Variants in CFAP91 observed in about 807,000 individuals in gnomAD.
CFAP91 encodes cilia- and flagella-associated protein 91.
Under a neutral mutation model 95.9 loss-of-function variants are expected in CFAP91, and 85 were observed. The observed-to-expected ratio is 0.89, with a 90% CI of 0.74 to 1.06. The LOEUF (loss-of-function observed/expected upper bound fraction) is 1.06. Ranked by LOEUF, CFAP91 falls within the 50% of genes least tolerant of loss-of-function variation. The pLI, the probability that CFAP91 is intolerant of heterozygous loss-of-function variation, is 0.00. For missense variants in CFAP91, 962 were observed against 943.4 expected (o/e 1.02, Z -0.26); for synonymous variants, 335 against 327.5 (o/e 1.02, Z -0.25).
chr3:119,744,788 G>T (rs2054190980), intron 14 of CFAP91, among the ~76,000 whole-genome samples: 1 of 152,196 alleles, frequency 6.6e-6, no homozygotes, highest in Non-Finnish European at 1.5e-5. Flanking sequence ...AGAAATGAGG[G>T]TTTGGCCGAA....
At position 119,726,168 on chromosome 3, in the gene CFAP91, C is replaced by T. The variant is rs749259749; in HGVS notation, c.683-3C>T. On this transcript the variant is annotated splice_region_variant and splice_polypyrimidine_tract_variant and intron_variant, in intron 6 of 17. Coordinates refer to ENST00000273390, the MANE Select transcript of CFAP91 (RefSeq NM_033364.4). ...TCCTAAGCTGTGCTGCTTTATCCTGCAGGTCGGGGTCTCCCAGCAGGACAA... is the reference window on the plus strand; with the variant it reads ...TCCTAAGCTGTGCTGCTTTATCCTGTAGGTCGGGGTCTCCCAGCAGGACAA... 6 of 1,604,684 alleles carry T rather than the reference C, an allele frequency of 3.7e-6. No individual in the cohort carries two copies. The South Asian group carries it at 6.7e-5, about 18-fold the overall frequency.
chr3:119,703,785 C>G (rs1457177321), intron 1 of CFAP91, among the ~76,000 whole-genome samples: 2 of 152,150 alleles, frequency 1.3e-5, no homozygotes, highest in Non-Finnish European at 2.9e-5. Context: ...TATGTTTTCT[C>G]TCTCTCCACG....
At chr3:119,761,321 A>G (rs1174893645) in intron 17 of CFAP91, among the ~76,000 whole-genome samples, 1 of 151,888 alleles carries the variant, frequency 6.6e-6, no homozygotes, top group Non-Finnish European at 1.5e-5. Flanking sequence ...GAAAATAGAA[A>G]ATCAGAATAG....
intron 9 of CFAP91, among the ~76,000 whole-genome samples, chr3:119,732,832 C>T (rs1430814006): frequency 1.3e-5 from 2 of 152,128 alleles, no homozygotes; most frequent in Non-Finnish European, 1.5e-5. Context: ...TGTCAAAAAA[C>T]TAGTGGGCAA....
Position 119,747,924 on chromosome 3 carries a change from A to T in CFAP91, c.2143+22A>T, listed in dbSNP as rs776059476. Reference sequence around the variant, plus strand: ...AAAGGTAAGCCAATGTAAATGCTTTACTTTAGGATTTTTTAAAGATGTAAA... The same window carrying T: ...AAAGGTAAGCCAATGTAAATGCTTTTCTTTAGGATTTTTTAAAGATGTAAA... On this transcript the variant is annotated intron_variant, in intron 16 of 17. Coordinates refer to ENST00000273390, the MANE Select transcript of CFAP91 (RefSeq NM_033364.4). 2.2e-5 allele frequency: 34 copies of T among 1,543,818 alleles called. No individual in the cohort carries two copies. The Admixed American group carries it at 6.0e-4, about 27-fold the overall frequency.
At chr3:119,736,512 G>A (rs2107893725) in intron 10 of CFAP91, among the ~76,000 whole-genome samples, 1 of 151,862 alleles carries the variant, frequency 6.6e-6, no homozygotes, top group South Asian at 2.1e-4. Context: ...TCCTGACCTC[G>A]TGATCCACCC....
chr3:119,719,627 T>C (rs1421618082), intron 6 of CFAP91, among the ~76,000 whole-genome samples: 1 of 152,186 alleles, frequency 6.6e-6, no homozygotes, highest in Non-Finnish European at 1.5e-5. Flanking sequence ...AAATGGTCAT[T>C]AGGGCCATAA....
At chr3:119,751,769 G>T (rs368419664) in intron 17 of CFAP91, among the ~76,000 whole-genome samples, 1 of 152,108 alleles carries the variant, frequency 6.6e-6, no homozygotes, top group Non-Finnish European at 1.5e-5. Flanking sequence ...TTCACACCGG[G>T]TGGGTACAGG....
chr3:119,726,209 A>G lies in CFAP91; in HGVS notation c.721A>G (p.Ile241Val). 6.2e-7 allele frequency: 1 copy of G among 1,613,122 alleles called. No homozygotes were observed. The highest frequency in any genetic ancestry group is 8.5e-7 in the Non-Finnish European group (1 of 1,179,592). ...LPAGQAEVEM[I>V]ERAREKRAWE... ...AGCAGGACAAGCTGAGGTGGAGATG[A>G]TAGAAAGAGCCCGCGAGAAGCGTGC... The change falls in exon 7 of 18, where the codon ATA becomes GTA. Residue 241 changes from isoleucine (I) to valine (V), a missense_variant. Transcript: ENST00000273390.
intron 4 of CFAP91, among the ~76,000 whole-genome samples, chr3:119,708,976 G>A (rs978748609): frequency 6.6e-6 from 1 of 152,120 alleles, no homozygotes; most frequent in Non-Finnish European, 1.5e-5. Flanking sequence ...GATACTGATT[G>A]CAACTAAGAA....
chr3:119,726,863 G>A (rs2053794118), intron 7 of CFAP91, among the ~76,000 whole-genome samples: 1 of 140,526 alleles, frequency 7.1e-6, no homozygotes. Context: ...AGGATGCCTT[G>A]CGTGCTAGCT....
At chr3:119,747,047 T>G (rs1050295384) in intron 14 of CFAP91, 68 bp from the exon 15 acceptor site, 2 of 1,232,804 alleles carry the variant, frequency 1.6e-6, no homozygotes, top group African/African-American at 3.1e-5. Flanking sequence ...AACCAATGTT[T>G]GTGTATTTTT....
In CFAP91 at chr3:119,709,812, A is replaced by C. The variant is rs755842144; in HGVS notation, c.444-27A>C. 3 of 1,576,456 alleles carry C rather than the reference A, an allele frequency of 1.9e-6. No individual in the cohort carries two copies. The African/African-American group carries it at 4.1e-5, about 21-fold the overall frequency. On this transcript the variant is annotated intron_variant, in intron 4 of 17. Coordinates refer to ENST00000273390, the MANE Select transcript of CFAP91 (RefSeq NM_033364.4). ...AGTGCATTCATTGCAAAAGTCCCAC[A>C]CATTTATGTTTTCTTTTTCCTCCCA...
chr3:119,718,909 CA>C (rs540249941), intron 6 of CFAP91, among the ~76,000 whole-genome samples: 24,202 of 137,004 alleles, frequency 0.18, 2,348 homozygotes, highest in African/African-American at 0.3. Context: ...AAGTATACAT[CA>C]AAAAAAAAAA....
chr3:119,709,079 C>G lies in CFAP91; in HGVS notation c.443+405C>G, dbSNP rs143868942. Among the ~76,000 whole-genome samples, 11 of 152,300 alleles carry G rather than the reference C, an allele frequency of 7.2e-5. No individual in the cohort carries two copies. The East Asian group carries it at 2.1e-3, about 29-fold the overall frequency. On this transcript the variant is annotated intron_variant, in intron 4 of 17. Coordinates refer to ENST00000273390, the MANE Select transcript of CFAP91 (RefSeq NM_033364.4). ...TCATAGTGAAGGGGAAACTTGTGTT[C>G]AAAGGGATAACATTTGTTCTCTTTG...
intron 10 of CFAP91, 59 bp downstream of exon 10, chr3:119,733,565 A>G (rs759909034): frequency 5.6e-5 from 87 of 1,560,342 alleles, no homozygotes; most frequent in Non-Finnish European, 6.8e-5. Flanking sequence ...GATAAATGCT[A>G]CACTCCAAAA....
intron 17 of CFAP91, among the ~76,000 whole-genome samples, chr3:119,755,012 C>T (rs1037971640): frequency 2.0e-4 from 30 of 152,132 alleles, no homozygotes; most frequent in African/African-American, 7.0e-4. Flanking sequence ...TGATTTTTCC[C>T]TTTTGGAAGG....
At chr3:119,724,397 A>T (rs2053741083) in intron 6 of CFAP91, among the ~76,000 whole-genome samples, 1 of 152,134 alleles carries the variant, frequency 6.6e-6, no homozygotes, top group Non-Finnish European at 1.5e-5. Flanking sequence ...ATTTTTTATT[A>T]AAAAATGTGA....
chr3:119,749,220 G>T (rs1380772242), intron 16 of CFAP91: 1 of 152,108 alleles, frequency 6.6e-6, no homozygotes, highest in Non-Finnish European at 1.5e-5. Flanking sequence ...GGAAAACTGG[G>T]TTTAATATTT....
Sources: allele counts gnomAD v4.1 joint callset (sites outside exome capture counted in the v4.1 genomes callset), GRCh38; gene constraint gnomAD v4.1.1; transcripts MANE v1.5; gene names NCBI Gene and HGNC (gene_info 2026-07-23, HGNC 2026-07-21).